Variants in KATNBL1 observed in about 807,000 individuals in gnomAD.
KATNBL1 encodes KATNB1-like protein 1.
Under a neutral mutation model 44.7 loss-of-function variants are expected in KATNBL1, and 28 were observed. That is an observed-to-expected ratio of 0.63 (90% CI 0.46 to 0.86). The LOEUF (loss-of-function observed/expected upper bound fraction) is 0.86. Ranked by LOEUF, KATNBL1 falls within the 40% of genes least tolerant of loss-of-function variation. The pLI is 0.00. For missense variants in KATNBL1, 272 were observed against 350.7 expected, an observed-to-expected ratio of 0.78 and a Z score of 1.79; for synonymous variants, 78 against 114.9, an observed-to-expected ratio of 0.68 and a Z score of 2.06.
chr15:34,174,149 G>A (rs553384665), intron 1 of KATNBL1, among the ~76,000 whole-genome samples: 158 of 152,250 alleles, frequency 1.0e-3, no homozygotes, highest in African/African-American at 3.5e-3. Flanking sequence ...CAAAATACAG[G>A]TAAAGAAACT....
chr15:34,148,630 A>G lies in KATNBL1; in HGVS notation c.557+2T>C. Reference sequence around the variant, plus strand: ...ACAAAGAGGATAAAAGGTCACACTTACCTCAACAAATAAGCTACAAGTTCA... The same window carrying G: ...ACAAAGAGGATAAAAGGTCACACTTGCCTCAACAAATAAGCTACAAGTTCA... On this transcript the variant is annotated splice_donor_variant, in intron 5 of 9. Coordinates refer to ENST00000256544, the MANE Select transcript of KATNBL1 (RefSeq NM_024713.3). LOFTEE classifies it high-confidence loss of function. 1 of 1,480,862 alleles carries G rather than the reference A, an allele frequency of 6.8e-7. No individual in the cohort carries two copies. Among genetic ancestry groups the G allele is most frequent in the Non-Finnish European group, 9.4e-7 (1 of 1,060,058 alleles). The allele number at this position is 1,480,862 out of a possible 1,614,324, so 91.7% of individuals were successfully genotyped here. A position where few individuals can be genotyped will look rare whatever the true frequency, so the allele number is the denominator to read the frequency against.
chr15:34,161,664 G>A (rs1888811251), intron 2 of KATNBL1, among the ~76,000 whole-genome samples: 1 of 152,162 alleles, frequency 6.6e-6, no homozygotes, highest in South Asian at 2.1e-4. Context: ...CACAGTCTAA[G>A]CTAATTCTGA....
chr15:34,193,207 A>G (rs1889928699), intron 1 of KATNBL1, among the ~76,000 whole-genome samples: 1 of 101,030 alleles, frequency 9.9e-6, no homozygotes. Context: ...ACAGAGCGAG[A>G]CTCCGTCTCA....
chr15:34,177,846 G>A (rs530815861), intron 1 of KATNBL1: 5 of 151,806 alleles, frequency 3.3e-5, no homozygotes, highest in Admixed American at 6.6e-5. Flanking sequence ...GTAATTTTAC[G>A]AGGCAATTTC....
At chr15:34,161,055 C>A (rs1054574165) in intron 2 of KATNBL1, among the ~76,000 whole-genome samples, 7 of 152,206 alleles carry the variant, frequency 4.6e-5, no homozygotes. Flanking sequence ...GACTCCTTTA[C>A]AGGAGGGCTG....
At chr15:34,184,779 T>C (rs1889674542) in intron 1 of KATNBL1, among the ~76,000 whole-genome samples, 1 of 151,472 alleles carries the variant, frequency 6.6e-6, no homozygotes, top group Admixed American at 6.6e-5. Context: ...TTCACCTTGT[T>C]AGCCAGGATG....
intron 1 of KATNBL1, among the ~76,000 whole-genome samples, chr15:34,206,185 A>C (rs1890288365): frequency 6.6e-6 from 1 of 152,180 alleles, no homozygotes; most frequent in Non-Finnish European, 1.5e-5. Context: ...AGAGTATGCT[A>C]GTGGGCAGAG....
chr15:34,151,305 T>G lies in KATNBL1; in HGVS notation c.438+1485A>C, dbSNP rs2140907231. Among the ~76,000 whole-genome samples, 2 of 152,276 alleles carry G rather than the reference T, an allele frequency of 1.3e-5. 1 individual carries two copies. Among genetic ancestry groups the G allele is most frequent in the Middle Eastern group, 6.8e-3 (2 of 294 alleles). ...TAACTGGTATGAGATGATATCCTGTTGTGGTTTTGATTTGCATTTCTCTAA... is the reference window on the plus strand; with the variant it reads ...TAACTGGTATGAGATGATATCCTGTGGTGGTTTTGATTTGCATTTCTCTAA... On this transcript the variant is annotated intron_variant, in intron 4 of 9. Coordinates refer to ENST00000256544, the MANE Select transcript of KATNBL1 (RefSeq NM_024713.3).
chr15:34,157,153 G>A (rs769354665), intron 2 of KATNBL1, among the ~76,000 whole-genome samples: 1 of 152,202 alleles, frequency 6.6e-6, no homozygotes, highest in Admixed American at 6.5e-5. Flanking sequence ...GTAATAGTTT[G>A]GGGTGAACTC....
chr15:34,205,229 T>C (rs1031719592), intron 1 of KATNBL1, among the ~76,000 whole-genome samples: 4 of 152,118 alleles, frequency 2.6e-5, no homozygotes, highest in Admixed American at 6.5e-5. Flanking sequence ...CTCGACCTTG[T>C]GAACCGCCCA....
intron 1 of KATNBL1, among the ~76,000 whole-genome samples, chr15:34,165,765 G>C (rs1344573455): frequency 6.6e-6 from 1 of 152,106 alleles, no homozygotes; most frequent in East Asian, 1.9e-4. Flanking sequence ...CTGCACTCCA[G>C]CCTGGGTGAC....
At chr15:34,193,125 G>A (rs1402348968) in intron 1 of KATNBL1, among the ~76,000 whole-genome samples, 1 of 147,586 alleles carries the variant, frequency 6.8e-6, no homozygotes, top group African/African-American at 2.5e-5. Context: ...GCTGAGGCAG[G>A]AGAATGGCGT....
Position 34,147,208 on chromosome 15 carries a change from T to C in KATNBL1, c.690A>G (p.Lys230=). ...LPLVKSLLKS[K]FEEYVIVGLN... is the part of the protein sequence containing the mutation. ...TTCAGATTAGCACTTACTCTTCAAATTTGCTTTTAAGTAGTGACTTTACTA... is the reference window on the plus strand; with the variant it reads ...TTCAGATTAGCACTTACTCTTCAAACTTGCTTTTAAGTAGTGACTTTACTA... The change falls in exon 7 of 10, where the codon AAA becomes AAG. Residue 230 remains lysine (K), a synonymous_variant. Transcript: ENST00000256544. 1 of 1,592,800 alleles carries C rather than the reference T, an allele frequency of 6.3e-7. No individual in the cohort carries two copies.
chr15:34,148,450 TGG>T, intron 5 of KATNBL1, 180 bp downstream of exon 5: 1 of 440,292 alleles, frequency 2.3e-6, no homozygotes, highest in Non-Finnish European at 4.2e-6. Flanking sequence ...TAGCCAGGTG[TGG>T]TGATGTGCAC....
intron 1 of KATNBL1, among the ~76,000 whole-genome samples, chr15:34,190,144 C>T (rs1167805408): frequency 6.6e-6 from 1 of 152,076 alleles, no homozygotes; most frequent in Non-Finnish European, 1.5e-5. Flanking sequence ...CAGGGTTTCA[C>T]CATGTTAGCC....
chr15:34,148,477 A>C (rs920103286), intron 5 of KATNBL1, 155 bp downstream of exon 5: 2 of 539,368 alleles, frequency 3.7e-6, no homozygotes, highest in Non-Finnish European at 6.8e-6. Flanking sequence ...ACTCTCAGCT[A>C]CTCAGGAGGC....
intron 1 of KATNBL1, among the ~76,000 whole-genome samples, chr15:34,177,245 G>A (rs916324667): frequency 2.0e-5 from 3 of 152,116 alleles, no homozygotes; most frequent in Admixed American, 2.0e-4. Flanking sequence ...GCATGTAGAA[G>A]GAATTGGAGG....
chr15:34,206,281 G>A (rs913043132), intron 1 of KATNBL1, among the ~76,000 whole-genome samples: 6 of 152,184 alleles, frequency 3.9e-5, no homozygotes, highest in Admixed American at 3.9e-4. Flanking sequence ...ATTTCAGACA[G>A]TATATAAAAC....
chr15:34,165,333 A>C (rs987376148), intron 1 of KATNBL1, among the ~76,000 whole-genome samples: 1 of 152,114 alleles, frequency 6.6e-6, no homozygotes, highest in African/African-American at 2.4e-5. Flanking sequence ...TTTTTCAAAA[A>C]AGGGGACTTT....
Sources: gnomAD v4.1 joint callset for allele counts (sites outside exome capture counted in the v4.1 genomes callset) on GRCh38, gnomAD v4.1.1 for gene constraint, MANE v1.5 for transcripts, NCBI Gene and HGNC (gene_info 2026-07-23, HGNC 2026-07-21) for gene names.